KIAA0825: variants seen among roughly 807,000 people sequenced by gnomAD.
KIAA0825 encodes KIAA0825, also known as uncharacterized protein KIAA0825.
KIAA0825 carries 119 observed loss-of-function variants against 147.6 expected under a neutral mutation model. That is an observed-to-expected ratio of 0.81 (90% CI 0.69 to 0.94). KIAA0825 has a LOEUF of 0.94. Ranked by LOEUF, KIAA0825 falls within the 40% of genes least tolerant of loss-of-function variation. KIAA0825 has a pLI of 0.00. For synonymous variants in KIAA0825, 470 were observed against 518.1 expected (o/e 0.91, Z 1.26); for missense variants, 1,381 against 1,472.7 (o/e 0.94, Z 1.02).
intron 20 of KIAA0825, among the ~76,000 whole-genome samples, chr5:94,213,024 T>G (rs1384593886): frequency 6.6e-6 from 1 of 152,200 alleles, no homozygotes; most frequent in Non-Finnish European, 1.5e-5. Context: ...ATTCTATCAA[T>G]AGCTCTATGA....
At chr5:94,357,489 G>C (rs1301575755) in intron 20 of KIAA0825, among the ~76,000 whole-genome samples, 3 of 152,220 alleles carry the variant, frequency 2.0e-5, no homozygotes, top group Non-Finnish European at 4.4e-5. Context: ...ATAGAAGTTT[G>C]GAGGAAATGT....
chr5:94,391,723 A>G, intron 17 of KIAA0825, 29 bp from the exon 18 acceptor site: 1 of 1,465,496 alleles, frequency 6.8e-7, no homozygotes, highest in East Asian at 2.5e-5. Flanking sequence ...TATACATATC[A>G]GTAGTGAAGA....
chr5:94,444,163 G>A (rs774609705), intron 13 of KIAA0825, among the ~76,000 whole-genome samples: 32 of 152,068 alleles, frequency 2.1e-4, no homozygotes, highest in Non-Finnish European at 4.1e-4. Flanking sequence ...GCTTTCTATC[G>A]CAATAACTAT....
At chr5:94,305,643 A>T (rs1056374827) in intron 20 of KIAA0825, among the ~76,000 whole-genome samples, 2 of 152,028 alleles carry the variant, frequency 1.3e-5, no homozygotes, top group Admixed American at 1.3e-4. Context: ...CTAACTGAGA[A>T]TATATAATAA....
At chr5:94,243,245 T>C (rs541268050) in intron 20 of KIAA0825, among the ~76,000 whole-genome samples, 1 of 152,354 alleles carries the variant, frequency 6.6e-6, no homozygotes, top group East Asian at 1.9e-4. Flanking sequence ...TGGAAACATA[T>C]GTTTTAACCT....
At chr5:94,435,167 G>A (rs1019065636) in intron 14 of KIAA0825, among the ~76,000 whole-genome samples, 2 of 150,988 alleles carry the variant, frequency 1.3e-5, no homozygotes, top group Non-Finnish European at 2.9e-5. Context: ...TGTACAGGAT[G>A]TGCAAACTTG....
intron 20 of KIAA0825, among the ~76,000 whole-genome samples, chr5:94,315,495 A>G (rs921070673): frequency 6.6e-6 from 1 of 151,716 alleles, no homozygotes; most frequent in Non-Finnish European, 1.5e-5. Flanking sequence ...GCCCATAGCC[A>G]TTTTTAATTA....
chr5:94,456,239 T>G (rs1029775036), intron 12 of KIAA0825, among the ~76,000 whole-genome samples: 4 of 152,150 alleles, frequency 2.6e-5, no homozygotes, highest in Non-Finnish European at 4.4e-5. Context: ...AAATCCCTAT[T>G]TGTCTAGTTA....
At chr5:94,340,113 G>A (rs1389628384) in intron 20 of KIAA0825, among the ~76,000 whole-genome samples, 3 of 152,056 alleles carry the variant, frequency 2.0e-5, no homozygotes, top group Non-Finnish European at 4.4e-5. Flanking sequence ...CTATACAGTT[G>A]TTTTTTGATA....
chr5:94,243,379 T>C (rs1775451874), intron 20 of KIAA0825, among the ~76,000 whole-genome samples: 1 of 152,214 alleles, frequency 6.6e-6, no homozygotes, highest in East Asian at 1.9e-4. Flanking sequence ...GGAGCCATGC[T>C]GTTTGGCTTC....
chr5:94,333,562 C>T (rs922465872), intron 20 of KIAA0825, among the ~76,000 whole-genome samples: 4 of 152,062 alleles, frequency 2.6e-5, no homozygotes, highest in Non-Finnish European at 4.4e-5. Flanking sequence ...TTTCTGAGGC[C>T]TCTGTTCTGT....
intron 20 of KIAA0825, among the ~76,000 whole-genome samples, chr5:94,307,059 G>A (rs1778789990): frequency 6.6e-6 from 1 of 151,732 alleles, no homozygotes; most frequent in African/African-American, 2.4e-5. Context: ...GATAAATAAT[G>A]TAATATGATA....
chr5:94,436,759 A>G lies in KIAA0825; in HGVS notation c.2497+3223T>C, dbSNP rs144237561. On this transcript the variant is annotated intron_variant, in intron 14 of 20. Transcript: ENST00000682413. ...TGATTCTTCCTTTCCATGAGCATGAAATGTTTTTCCATTTGTTTGTGTCAT... is the reference window on the plus strand; with the variant it reads ...TGATTCTTCCTTTCCATGAGCATGAGATGTTTTTCCATTTGTTTGTGTCAT... Among the ~76,000 whole-genome samples, 37 of 152,186 alleles carry G rather than the reference A, an allele frequency of 2.4e-4. No individual in the cohort carries two copies. The East Asian group carries it at 5.8e-3, about 24-fold the overall frequency.
At chr5:94,345,943 G>A (rs1363187255) in intron 20 of KIAA0825, among the ~76,000 whole-genome samples, 1 of 152,072 alleles carries the variant, frequency 6.6e-6, no homozygotes, top group Non-Finnish European at 1.5e-5. Flanking sequence ...GCATGCACCG[G>A]TAATTAGAAC....
chr5:94,553,490 G>T (rs1381143085), intron 2 of KIAA0825, among the ~76,000 whole-genome samples: 1 of 150,734 alleles, frequency 6.6e-6, no homozygotes, highest in Non-Finnish European at 1.5e-5. Flanking sequence ...ACGGCTGGGC[G>T]CAGTGGCTCA....
chr5:94,436,183 A>T (rs1242965722), intron 14 of KIAA0825, among the ~76,000 whole-genome samples: 1 of 152,056 alleles, frequency 6.6e-6, no homozygotes, highest in Non-Finnish European at 1.5e-5. Context: ...TGGCATCTTC[A>T]TCATGACATC....
intron 20 of KIAA0825, among the ~76,000 whole-genome samples, chr5:94,213,053 C>G (rs1375142295): frequency 6.6e-6 from 1 of 152,120 alleles, no homozygotes; most frequent in Middle Eastern, 3.2e-3. Context: ...ATATCATCCC[C>G]ATTTCATAGA....
chr5:94,565,635 C>T (rs780690249), intron 2 of KIAA0825, among the ~76,000 whole-genome samples: 5 of 152,110 alleles, frequency 3.3e-5, no homozygotes, highest in Non-Finnish European at 5.9e-5. Flanking sequence ...AGCCACCGCA[C>T]CTGGCTGCAA....
chr5:94,470,349 A>G (rs1261475307), intron 9 of KIAA0825, among the ~76,000 whole-genome samples: 1 of 152,218 alleles, frequency 6.6e-6, no homozygotes, highest in African/African-American at 2.4e-5. Flanking sequence ...ACGCACTTCA[A>G]CTTGAGACAA....
Sources: gnomAD v4.1 joint callset for allele counts (sites outside exome capture counted in the v4.1 genomes callset) on GRCh38, gnomAD v4.1.1 for gene constraint, MANE v1.5 for transcripts, NCBI Gene and HGNC (gene_info 2026-07-23, HGNC 2026-07-21) for gene names.